Variants in STXBP5L observed in about 807,000 individuals in gnomAD.
STXBP5L encodes syntaxin-binding protein 5-like.
In STXBP5L, 65 loss-of-function variants were observed where a neutral mutation model predicts 144.5. That is an observed-to-expected ratio of 0.45 (90% confidence interval 0.37 to 0.55). STXBP5L has a LOEUF of 0.55. Ranked by LOEUF, STXBP5L falls within the 20% of genes least tolerant of loss-of-function variation. The pLI is 0.00. For synonymous variants in STXBP5L, 505 were observed against 469.6 expected, an observed-to-expected ratio of 1.08 and a Z score of -0.97; for missense variants, 1,298 against 1,405.5, an observed-to-expected ratio of 0.92 and a Z score of 1.22.
intron 20 of STXBP5L, among the ~76,000 whole-genome samples, chr3:121,327,619 G>T (rs1321607172): frequency 6.6e-6 from 1 of 152,142 alleles, no homozygotes. Context: ...AATCTGTGGG[G>T]ATGCTTTCCT....
chr3:121,023,240 T>C (rs1945690865), intron 3 of STXBP5L, among the ~76,000 whole-genome samples: 1 of 151,840 alleles, frequency 6.6e-6, no homozygotes, highest in African/African-American at 2.4e-5. Flanking sequence ...CTGAAAGAAA[T>C]CAGATGATGC....
intron 3 of STXBP5L, among the ~76,000 whole-genome samples, chr3:120,971,660 CACAT>C (rs1940271072): frequency 6.7e-6 from 1 of 148,532 alleles, no homozygotes; most frequent in Admixed American, 6.9e-5. Flanking sequence ...CACACACACA[CACAT>C]ATACATTCAT....
intron 5 of STXBP5L, among the ~76,000 whole-genome samples, chr3:121,054,764 G>A (rs1049581162): frequency 6.8e-6 from 1 of 146,092 alleles, no homozygotes; most frequent in African/African-American, 2.6e-5. Context: ...AAAAAGAGTT[G>A]TTTTACTGTT....
At chr3:121,277,739 T>C (rs902664985) in intron 18 of STXBP5L, among the ~76,000 whole-genome samples, 2 of 152,048 alleles carry the variant, frequency 1.3e-5, no homozygotes, top group Non-Finnish European at 2.9e-5. Context: ...CTTTTTTTAG[T>C]AGTGTTCAAC....
chr3:121,360,190 A>G (rs912837902), intron 20 of STXBP5L, among the ~76,000 whole-genome samples: 5 of 150,772 alleles, frequency 3.3e-5, no homozygotes, highest in African/African-American at 4.9e-5. Context: ...TTATCTTGAA[A>G]TCTATTTTTT....
intron 9 of STXBP5L, among the ~76,000 whole-genome samples, chr3:121,166,126 C>T (rs1004568632): frequency 6.6e-6 from 1 of 151,986 alleles, no homozygotes; most frequent in African/African-American, 2.4e-5. Context: ...AGTGATACTC[C>T]CTCCTGAGTA....
At chr3:121,313,434 G>C (rs1351707389) in intron 19 of STXBP5L, among the ~76,000 whole-genome samples, 1 of 102,740 alleles carries the variant, frequency 9.7e-6, no homozygotes, top group Non-Finnish European at 1.9e-5. Flanking sequence ...CTGGCCGGGC[G>C]GGGGGCTGAC....
intron 5 of STXBP5L, among the ~76,000 whole-genome samples, chr3:121,086,994 T>C (rs575376536): frequency 6.6e-6 from 1 of 152,190 alleles, no homozygotes; most frequent in East Asian, 1.9e-4. Context: ...GAGATTTTAT[T>C]GTATCTTTCT....
At chr3:121,379,632 G>A (rs2046277904) in intron 21 of STXBP5L, among the ~76,000 whole-genome samples, 1 of 152,004 alleles carries the variant, frequency 6.6e-6, no homozygotes, top group Non-Finnish European at 1.5e-5. Flanking sequence ...TTATATTTAA[G>A]TTTTTGGTTT....
intron 7 of STXBP5L, among the ~76,000 whole-genome samples, chr3:121,151,998 A>C (rs749889129): frequency 1.3e-5 from 2 of 152,154 alleles, no homozygotes; most frequent in Non-Finnish European, 2.9e-5. Flanking sequence ...GAATAACTTT[A>C]TAATCTTCAG....
intron 12 of STXBP5L, among the ~76,000 whole-genome samples, chr3:121,236,225 C>A (rs1017452161): frequency 4.6e-5 from 7 of 152,158 alleles, no homozygotes; most frequent in Admixed American, 3.3e-4. Context: ...TACACAGTCA[C>A]ATACACACAA....
chr3:120,914,674 G>C (rs566154449), intron 2 of STXBP5L, among the ~76,000 whole-genome samples: 1 of 152,116 alleles, frequency 6.6e-6, no homozygotes, highest in South Asian at 2.1e-4. Context: ...CATGATCACA[G>C]TTCCACAGTT....
intron 9 of STXBP5L, among the ~76,000 whole-genome samples, chr3:121,180,939 AGAG>A (rs2047122241): frequency 6.6e-6 from 1 of 151,638 alleles, no homozygotes; most frequent in Non-Finnish European, 1.5e-5. Context: ...AGAGAAAAGA[AGAG>A]AAGAGAAAAG....
At chr3:121,038,646 A>G (rs1003655086) in intron 3 of STXBP5L, among the ~76,000 whole-genome samples, 1 of 151,810 alleles carries the variant, frequency 6.6e-6, no homozygotes. Flanking sequence ...TGTCTTCTTC[A>G]TTTTTACTGA....
chr3:121,404,796 C>CTAAT lies in STXBP5L; in HGVS notation c.2588-2445_2588-2442dup, dbSNP rs1382064721. 2.0e-5 allele frequency among the ~76,000 whole-genome samples: 3 copies of CTAAT among 152,210 alleles called. No homozygotes were observed. The East Asian group carries it at 5.8e-4, about 29-fold the overall frequency. ...GTATTTTGTGCTGGTTTCCTGAACC[C>CTAAT]TAATTCCCACAGGATGATGAAAAGA... On this transcript the variant is annotated intron_variant, in intron 22 of 26. Transcript: ENST00000471454.
chr3:121,179,162 T>A (rs963601067), intron 9 of STXBP5L, among the ~76,000 whole-genome samples: 14 of 151,478 alleles, frequency 9.2e-5, no homozygotes, highest in Non-Finnish European at 1.8e-4. Context: ...AATAAATAAA[T>A]AAATTGTACA....
intron 5 of STXBP5L, among the ~76,000 whole-genome samples, chr3:121,102,030 G>A (rs1373113615): frequency 6.6e-6 from 1 of 151,988 alleles, no homozygotes; most frequent in East Asian, 1.9e-4. Flanking sequence ...TCTTTAAGGA[G>A]AAGCACAAAA....
At position 121,190,153 on chromosome 3, in the gene STXBP5L, G is replaced by T. The variant is rs1795392; in HGVS notation, c.878-15770G>T. 2.0e-5 allele frequency among the ~76,000 whole-genome samples: 3 copies of T among 152,096 alleles called. No individual in the cohort carries two copies. In the South Asian group the frequency reaches 6.2e-4, roughly 32 times the overall value. On this transcript the variant is annotated intron_variant, in intron 9 of 26. Transcript: ENST00000471454. Reference sequence around the variant, plus strand: ...GGACAATAGTGGAGGGAAGGTCAGCGGATAAACATGTGAACAAAGTCTCTG... The same window carrying T: ...GGACAATAGTGGAGGGAAGGTCAGCTGATAAACATGTGAACAAAGTCTCTG...
In STXBP5L at chr3:120,978,931, G is replaced by A. The variant is rs527707814; in HGVS notation, c.287+23894G>A. On this transcript the variant is annotated intron_variant, in intron 3 of 26. Transcript: ENST00000471454. ...TTTTGTCTCAGAGGAGTACCCAGCC[G>A]TGTGAGGTGTCAGTCTGCCCTTACT... Among the ~76,000 whole-genome samples, 329 of 152,262 alleles carry A rather than the reference G, an allele frequency of 2.2e-3. 3 individuals are homozygous for A. Among genetic ancestry groups the A allele is most frequent in the African/African-American group, 7.1e-3 (294 of 41,550 alleles).
Sources: allele counts gnomAD v4.1 joint callset (sites outside exome capture counted in the v4.1 genomes callset), GRCh38; gene constraint gnomAD v4.1.1; transcripts MANE v1.5; gene names NCBI Gene and HGNC (gene_info 2026-07-23, HGNC 2026-07-21).